Variants in SLCO2A1 observed in about 807,000 individuals in gnomAD.
SLCO2A1 encodes solute carrier organic anion transporter family member 2A1.
A neutral mutation model predicts 71.7 loss-of-function variants in SLCO2A1; 60 were observed. The ratio of observed to expected loss-of-function variants is 0.84; its 90% CI spans 0.68 to 1.04. The LOEUF (loss-of-function observed/expected upper bound fraction) is 1.04. Ranked by LOEUF, SLCO2A1 falls within the 50% of genes least tolerant of loss-of-function variation. The pLI is 0.00. For missense variants in SLCO2A1, 745 were observed against 813.4 expected (o/e 0.92, Z 1.02); for synonymous variants, 308 against 326.7 (o/e 0.94, Z 0.62).
intron 13 of SLCO2A1, 78 bp downstream of exon 13, chr3:133,935,696 T>C: frequency 1.4e-6 from 2 of 1,409,960 alleles, no homozygotes; most frequent in Non-Finnish European, 1.9e-6. Flanking sequence ...GCCCCCACAG[T>C]AGCCACTGGG....
At chr3:133,947,630 A>T (rs1389234557) in intron 8 of SLCO2A1, among the ~76,000 whole-genome samples, 185 bp from the exon 9 acceptor site, 1 of 152,250 alleles carries the variant, frequency 6.6e-6, no homozygotes, top group Non-Finnish European at 1.5e-5. Flanking sequence ...CATCTAGAGA[A>T]ATATCTTGAG....
At chr3:133,957,929 C>A (rs1933935626) in intron 3 of SLCO2A1, among the ~76,000 whole-genome samples, 1 of 152,088 alleles carries the variant, frequency 6.6e-6, no homozygotes, top group Non-Finnish European at 1.5e-5. Context: ...AAAAAGATGC[C>A]CAAGCATGAG....
rs10935090 is a variant in SLCO2A1, at chr3:133,979,505, C to G, written c.210G>C (p.Ser70=). Residue 70 remains serine, a synonymous_variant, in exon 2 of 14, where the codon TCG becomes TCC. Coordinates refer to ENST00000310926, the MANE Select transcript of SLCO2A1 (RefSeq NM_005630.3). ...EKRFGLSSSS[S]GLISSLNEIS... ...CCTCATTCAAGCTGGAAATGAGACC[C>G]GATGAAGAACTGGAGAGCCCAAAGC... 6.2e-7 allele frequency: 1 copy of G among 1,614,042 alleles called. No individual in the cohort carries two copies. Among genetic ancestry groups the G allele is most frequent in the African/African-American group, 1.3e-5 (1 of 74,988 alleles).
intron 13 of SLCO2A1, among the ~76,000 whole-genome samples, chr3:133,935,519 C>T (rs1405553686): frequency 6.6e-6 from 1 of 152,180 alleles, no homozygotes; most frequent in Non-Finnish European, 1.5e-5. Context: ...GCTTTCGGGT[C>T]AGGGAAGTCC....
At chr3:133,995,163 C>CACCTCT (rs1340003080) in intron 1 of SLCO2A1, among the ~76,000 whole-genome samples, 2 of 152,014 alleles carry the variant, frequency 1.3e-5, no homozygotes, top group East Asian at 1.9e-4. Context: ...CACACACCTC[C>CACCTCT]AGGGGAGCCA....
At chr3:133,946,064 T>TG (rs1933567583) in intron 9 of SLCO2A1, among the ~76,000 whole-genome samples, 1 of 152,040 alleles carries the variant, frequency 6.6e-6, no homozygotes, top group Non-Finnish European at 1.5e-5. Context: ...TGTGCTAAAC[T>TG]CCCAGTGGAC....
intron 1 of SLCO2A1, among the ~76,000 whole-genome samples, chr3:134,026,176 C>A (rs1218115454): frequency 2.0e-5 from 3 of 152,106 alleles, no homozygotes; most frequent in African/African-American, 7.2e-5. Flanking sequence ...AATTTACTCA[C>A]CCCATAGGAC....
chr3:134,011,528 C>A (rs918750385), intron 1 of SLCO2A1, among the ~76,000 whole-genome samples: 3 of 152,236 alleles, frequency 2.0e-5, no homozygotes, highest in African/African-American at 7.2e-5. Flanking sequence ...CCTGTGAGTT[C>A]ACTTTCCAAG....
At chr3:134,001,756 G>A (rs897527926) in intron 1 of SLCO2A1, among the ~76,000 whole-genome samples, 2 of 152,188 alleles carry the variant, frequency 1.3e-5, no homozygotes, top group Non-Finnish European at 2.9e-5. Flanking sequence ...CCAGGCTGAT[G>A]TGAGAGAGGA....
At chr3:133,941,008 TG>T (rs1257620563) in intron 11 of SLCO2A1, among the ~76,000 whole-genome samples, 1 of 152,158 alleles carries the variant, frequency 6.6e-6, no homozygotes, top group Non-Finnish European at 1.5e-5. Flanking sequence ...CTGTAGGATT[TG>T]GGGGTCAAGG....
intron 3 of SLCO2A1, among the ~76,000 whole-genome samples, chr3:133,962,863 C>A (rs1239597354): frequency 6.6e-6 from 1 of 152,164 alleles, no homozygotes; most frequent in Admixed American, 6.5e-5. Flanking sequence ...CAGAGACTGC[C>A]TGCCCAAACA....
intron 1 of SLCO2A1, among the ~76,000 whole-genome samples, chr3:133,980,925 G>C (rs1005976241): frequency 1.6e-4 from 25 of 152,224 alleles, no homozygotes; most frequent in African/African-American, 6.0e-4. Context: ...CTCCTCCCAG[G>C]TGGTAGAAGG....
intron 11 of SLCO2A1, 31 bp downstream of exon 11, chr3:133,942,574 C>T (rs374841465): frequency 3.2e-5 from 51 of 1,570,596 alleles, no homozygotes; most frequent in African/African-American, 1.2e-4. Flanking sequence ...GGAGAAGCCA[C>T]GCCCCAGACT....
chr3:133,947,386 G>A lies in SLCO2A1; in HGVS notation c.1165C>T (p.Arg389Cys), dbSNP rs758128252. The A allele has an allele frequency of 2.0e-5, 32 of 1,614,056 alleles. No homozygotes were observed. The East Asian group carries it at 4.5e-4, about 22-fold the overall frequency. ...ATGGCTTGTAGAGAGAAAACAAAGC[G>A]CTTCATGAGGATTCCTCCAAACAGC... Reference protein sequence around the residue: ...GMLFGGILMKRFVFSLQAIPR... With the variant: ...GMLFGGILMKCFVFSLQAIPR... The change falls in exon 9 of 14, where the codon CGC becomes TGC. Residue 389 changes from arginine to cysteine, a missense_variant. Transcript: ENST00000310926.
intron 1 of SLCO2A1, among the ~76,000 whole-genome samples, chr3:134,023,540 C>A (rs942260114): frequency 1.3e-5 from 2 of 152,172 alleles, no homozygotes; most frequent in African/African-American, 2.4e-5. Context: ...GTCTTGCCCC[C>A]CGATGTAGAG....
chr3:134,000,197 G>A (rs1935075098), intron 1 of SLCO2A1, among the ~76,000 whole-genome samples: 1 of 152,192 alleles, frequency 6.6e-6, no homozygotes, highest in Non-Finnish European at 1.5e-5. Flanking sequence ...CCGGACGAGT[G>A]CAGGGAGGCA....
chr3:133,945,938 A>G (rs1413379488), intron 9 of SLCO2A1, among the ~76,000 whole-genome samples: 3 of 152,220 alleles, frequency 2.0e-5, no homozygotes, highest in African/African-American at 4.8e-5. Flanking sequence ...ACGAGTCTAC[A>G]GTGAATTATT....
At chr3:134,010,669 G>A (rs765822570) in intron 1 of SLCO2A1, among the ~76,000 whole-genome samples, 7 of 148,700 alleles carry the variant, frequency 4.7e-5, no homozygotes, top group East Asian at 2.0e-4. Flanking sequence ...CAGAAGAATC[G>A]CTTGAACCTG....
chr3:133,973,631 A>AAC, intron 3 of SLCO2A1, 32 bp downstream of exon 3: 1 of 1,610,350 alleles, frequency 6.2e-7, no homozygotes, highest in Non-Finnish European at 8.5e-7. Flanking sequence ...CCCATTCCTT[A>AAC]CCCCTTGAGG....
Sources: gnomAD v4.1 joint callset for allele counts (sites outside exome capture counted in the v4.1 genomes callset) on GRCh38, gnomAD v4.1.1 for gene constraint, MANE v1.5 for transcripts, NCBI Gene and HGNC (gene_info 2026-07-23, HGNC 2026-07-21) for gene names.